Variants in CTNNA3 observed in about 807,000 individuals in gnomAD.
CTNNA3 encodes the protein catenin alpha-3.
Under a neutral mutation model 95.7 loss-of-function variants are expected in CTNNA3, and 76 were observed. That is an observed-to-expected ratio of 0.79 (90% CI 0.66 to 0.96). CTNNA3 has a LOEUF of 0.96. Ranked by LOEUF, CTNNA3 falls within the 40% of genes least tolerant of loss-of-function variation. The pLI, the probability that CTNNA3 is intolerant of heterozygous loss-of-function variation, is 0.00. For missense variants in CTNNA3, 1,191 were observed against 1,089.8 expected, an observed-to-expected ratio of 1.09 and a Z score of -1.31; for synonymous variants, 431 against 374.4, an observed-to-expected ratio of 1.15 and a Z score of -1.74.
intron 5 of CTNNA3, among the ~76,000 whole-genome samples, chr10:67,260,102 G>A (rs1014091651): frequency 2.6e-5 from 4 of 152,200 alleles, no homozygotes; most frequent in African/African-American, 4.8e-5. Flanking sequence ...TTAGCGCTGC[G>A]CTAAATAACA....
intron 7 of CTNNA3, among the ~76,000 whole-genome samples, chr10:66,854,306 A>AT (rs1211936773): frequency 1.0e-5 from 1 of 95,398 alleles, no homozygotes; most frequent in African/African-American, 4.2e-5. Context: ...TCTTAATCAA[A>AT]TTGTTGCTTT....
intron 2 of CTNNA3, among the ~76,000 whole-genome samples, chr10:67,626,786 T>C (rs573257346): frequency 6.8e-6 from 1 of 146,970 alleles, no homozygotes; most frequent in African/African-American, 2.7e-5. Context: ...TGTCTACATG[T>C]ATGTGTCTAT....
intron 17 of CTNNA3, among the ~76,000 whole-genome samples, chr10:65,940,938 T>A (rs1024088496): frequency 1.3e-5 from 2 of 152,202 alleles, no homozygotes; most frequent in Non-Finnish European, 1.5e-5. Flanking sequence ...ATTTACTGAT[T>A]CTTGACCATG....
intron 10 of CTNNA3, among the ~76,000 whole-genome samples, chr10:66,568,631 T>G (rs1842782021): frequency 6.6e-6 from 1 of 152,008 alleles, no homozygotes; most frequent in Non-Finnish European, 1.5e-5. Context: ...TTAAAGAGAC[T>G]GCAGTCCAAG....
At chr10:67,073,195 TG>T (rs1306267478) in intron 7 of CTNNA3, among the ~76,000 whole-genome samples, 9 of 152,224 alleles carry the variant, frequency 5.9e-5, no homozygotes, top group Non-Finnish European at 1.2e-4. Flanking sequence ...CTAATTTATT[TG>T]GTTTGTACAG....
intron 11 of CTNNA3, among the ~76,000 whole-genome samples, chr10:66,481,270 A>C (rs1478038342): frequency 6.6e-6 from 1 of 152,080 alleles, no homozygotes; most frequent in Non-Finnish European, 1.5e-5. Context: ...CAGTTTTTTA[A>C]TGCAAGTTTC....
intron 1 of CTNNA3, among the ~76,000 whole-genome samples, chr10:67,763,213 T>C (rs1564848442): frequency 6.6e-6 from 1 of 152,116 alleles, no homozygotes; most frequent in African/African-American, 2.4e-5. Context: ...CGGGAATTAC[T>C]TTGTTCCCAT....
intron 10 of CTNNA3, among the ~76,000 whole-genome samples, chr10:66,607,873 C>T (rs1313317339): frequency 6.6e-6 from 1 of 152,102 alleles, no homozygotes; most frequent in Non-Finnish European, 1.5e-5. Context: ...GAAGCACTTC[C>T]TTGAAAACCA....
intron 3 of CTNNA3, among the ~76,000 whole-genome samples, chr10:67,585,871 G>A (rs1049313341): frequency 2.0e-5 from 3 of 151,068 alleles, no homozygotes; most frequent in Admixed American, 1.3e-4. Flanking sequence ...GCTAATTTGG[G>A]GTTTTGTTTG....
chr10:66,915,503 A>G (rs968436448), intron 7 of CTNNA3, among the ~76,000 whole-genome samples: 1 of 152,018 alleles, frequency 6.6e-6, no homozygotes, highest in Non-Finnish European at 1.5e-5. Context: ...TATTAGTGGA[A>G]GGTGCTTCAA....
chr10:66,608,468 C>CA (rs1288648986), intron 10 of CTNNA3, among the ~76,000 whole-genome samples: 2 of 151,934 alleles, frequency 1.3e-5, no homozygotes, highest in African/African-American at 2.4e-5. Context: ...TCATATGGAA[C>CA]AAAAAGAGCC....
At chr10:67,148,407 C>T (rs1166388454) in intron 7 of CTNNA3, among the ~76,000 whole-genome samples, 2 of 152,116 alleles carry the variant, frequency 1.3e-5, no homozygotes, top group African/African-American at 2.4e-5. Flanking sequence ...ACCAGTGTCT[C>T]GTAGAGGGAA....
intron 5 of CTNNA3, among the ~76,000 whole-genome samples, chr10:67,482,184 A>C (rs1391039411): frequency 6.6e-6 from 1 of 150,714 alleles, no homozygotes; most frequent in Non-Finnish European, 1.5e-5. Flanking sequence ...AGGTAGTGTG[A>C]TGCCTCCAGC....
At chr10:67,302,307 A>G (rs1458808949) in intron 5 of CTNNA3, among the ~76,000 whole-genome samples, 1 of 152,150 alleles carries the variant, frequency 6.6e-6, no homozygotes, top group Non-Finnish European at 1.5e-5. Flanking sequence ...TGGTTAAACA[A>G]TTCAAAATTT....
chr10:66,941,029 GA>G (rs1040816259), intron 7 of CTNNA3, among the ~76,000 whole-genome samples: 2 of 152,112 alleles, frequency 1.3e-5, no homozygotes, highest in Admixed American at 6.5e-5. Context: ...ATAAAAAAAA[GA>G]AAGCCCAACA....
chr10:67,342,865 G>A (rs893990027), intron 5 of CTNNA3, among the ~76,000 whole-genome samples: 4 of 151,976 alleles, frequency 2.6e-5, no homozygotes, highest in African/African-American at 9.7e-5. Flanking sequence ...TTTGAAGTTA[G>A]GTAATATAAT....
chr10:66,414,400 A>G (rs943177993), intron 11 of CTNNA3, among the ~76,000 whole-genome samples: 9 of 152,182 alleles, frequency 5.9e-5, no homozygotes, highest in African/African-American at 2.2e-4. Flanking sequence ...GGATTGACTG[A>G]GAGCCTAGAG....
At chr10:66,589,504 T>A (rs1252487289) in intron 10 of CTNNA3, among the ~76,000 whole-genome samples, 1 of 152,106 alleles carries the variant, frequency 6.6e-6, no homozygotes, top group African/African-American at 2.4e-5. Context: ...ACACCCATGG[T>A]TGTTCCTCTA....
At chr10:67,052,264 C>T (rs1274884537) in intron 7 of CTNNA3, among the ~76,000 whole-genome samples, 1 of 151,574 alleles carries the variant, frequency 6.6e-6, no homozygotes. Context: ...CTACTCAGTA[C>T]AGATGATCAA....
Sources: allele counts gnomAD v4.1 joint callset (sites outside exome capture counted in the v4.1 genomes callset), GRCh38; gene constraint gnomAD v4.1.1; transcripts MANE v1.5; gene names NCBI Gene and HGNC (gene_info 2026-07-23, HGNC 2026-07-21).